The following UGT1A8 variants were observed in gnomAD, a reference collection of about 807,000 sequenced individuals.
UGT1A8 encodes UDP glucuronosyltransferase family 1 member A8.
A neutral mutation model predicts 45.3 loss-of-function variants in UGT1A8; 39 were observed. That is an observed-to-expected ratio of 0.86 (90% CI 0.67 to 1.12). The LOEUF (loss-of-function observed/expected upper bound fraction) is 1.12. Among genes scored for constraint, UGT1A8 ranks in the 50% most tolerant of loss-of-function variants. The pLI, the probability that UGT1A8 is intolerant of heterozygous loss-of-function variation, is 0.00. For missense variants in UGT1A8, 719 were observed against 664.9 expected (o/e 1.08, Z -0.90); for synonymous variants, 275 against 249.2 (o/e 1.10, Z -0.97).
At chr2:233,695,293 T>A (rs192204458) in intron 1 of UGT1A8, among the ~76,000 whole-genome samples, 1 of 152,146 alleles carries the variant, frequency 6.6e-6, no homozygotes, top group Admixed American at 6.5e-5. Context: ...TCCCAGCTAA[T>A]TTTTGCATTT....
intron 1 of UGT1A8, chr2:233,755,945 TC>T (rs1469845586): frequency 6.6e-6 from 1 of 152,216 alleles, no homozygotes; most frequent in African/African-American, 2.4e-5. Context: ...TTTGCATCTC[TC>T]TCTTTAGTAC....
chr2:233,701,753 A>G (rs540599933), intron 1 of UGT1A8, among the ~76,000 whole-genome samples: 7 of 152,372 alleles, frequency 4.6e-5, no homozygotes, highest in Non-Finnish European at 1.0e-4. Context: ...TACTGGGTAC[A>G]TAACGAAATG....
At chr2:233,692,917 G>A in intron 1 of UGT1A8, 2 of 1,565,222 alleles carry the variant, frequency 1.3e-6, no homozygotes, top group Admixed American at 1.9e-5. Flanking sequence ...GTGAAAAGCA[G>A]TGGTTAGTTT....
At chr2:233,743,809 AGGGTTTTTGTC>A in intron 1 of UGT1A8, 1 of 1,367,146 alleles carries the variant, frequency 7.3e-7, no homozygotes, top group Non-Finnish European at 9.8e-7. Context: ...CCTTGTTCTC[AGGGTTTTTGTC>A]GGGGTGCCAC....
At chr2:233,651,941 T>A (rs1333479847) in intron 1 of UGT1A8, among the ~76,000 whole-genome samples, 1 of 152,118 alleles carries the variant, frequency 6.6e-6, no homozygotes, top group African/African-American at 2.4e-5. Flanking sequence ...TTAAATACTT[T>A]AACCAAGATA....
chr2:233,623,206 T>A (rs1236801564), intron 1 of UGT1A8, among the ~76,000 whole-genome samples: 1 of 152,076 alleles, frequency 6.6e-6, no homozygotes, highest in East Asian at 1.9e-4. Flanking sequence ...CTTGGCTATA[T>A]GGGCTCTTTT....
At chr2:233,750,638 T>A (rs1330204251) in intron 1 of UGT1A8, 1 of 150,162 alleles carries the variant, frequency 6.7e-6, no homozygotes, top group Non-Finnish European at 1.5e-5. Context: ...CCCCCTGCTG[T>A]GTGCAGCCTC....
At position 233,767,899 on chromosome 2, in the gene UGT1A8, G is replaced by T; in HGVS notation, c.1038G>T (p.Thr346=). Residue 346 remains threonine (T), a synonymous_variant, in exon 3 of 5, where the codon ACG becomes ACT. Transcript: ENST00000373450. The part of the protein sequence containing the change: ...GTRPSNLANN[T]ILVKWLPQND... ...GACCATCGAATCTTGCGAACAACAC[G>T]ATACTTGTTAAGTGGCTACCCCAAA... 1 of 1,614,142 alleles carries T rather than the reference G, an allele frequency of 6.2e-7. No individual in the cohort carries two copies. The highest frequency in any genetic ancestry group is 8.5e-7 in the Non-Finnish European group (1 of 1,180,040).
intron 1 of UGT1A8, chr2:233,636,510 C>T: frequency 6.2e-7 from 1 of 1,606,194 alleles, no homozygotes. Context: ...CTGGCTCGGG[C>T]TGCAGTTCTC....
intron 1 of UGT1A8, among the ~76,000 whole-genome samples, chr2:233,646,179 T>C (rs2073596599): frequency 6.6e-6 from 1 of 152,142 alleles, no homozygotes; most frequent in African/African-American, 2.4e-5. Context: ...GCTGGAGCAG[T>C]TGGGATGCAA....
chr2:233,737,911 GGC>G (rs1690629306), intron 1 of UGT1A8, among the ~76,000 whole-genome samples: 4 of 152,098 alleles, frequency 2.6e-5, no homozygotes, highest in African/African-American at 4.8e-5. Flanking sequence ...GTAAAGAACA[GGC>G]TAGTGTATTT....
intron 1 of UGT1A8, among the ~76,000 whole-genome samples, chr2:233,656,066 G>C (rs1280727425): frequency 1.3e-5 from 2 of 152,024 alleles, no homozygotes; most frequent in Non-Finnish European, 2.9e-5. Context: ...GAAGGGATGG[G>C]GTAGGAGCTT....
Position 233,747,361 on chromosome 2 carries a change from A to T in UGT1A8, c.856-19673A>T, listed in dbSNP as rs1260496106. 17 of 1,603,206 alleles carry T rather than the reference A, an allele frequency of 1.1e-5. No individual in the cohort carries two copies. In the African/African-American group the frequency reaches 1.9e-4, roughly 18 times the overall value. On this transcript the variant is annotated intron_variant, in intron 1 of 4. Coordinates refer to ENST00000373450, the MANE Select transcript of UGT1A8 (RefSeq NM_019076.5). Reference sequence around the variant, plus strand: ...GCTCGCATGCGGGAGGCCGTGCGGGAGCTCCATGCCAGAGGCCACCAGGCG... The same window carrying T: ...GCTCGCATGCGGGAGGCCGTGCGGGTGCTCCATGCCAGAGGCCACCAGGCG...
intron 1 of UGT1A8, among the ~76,000 whole-genome samples, chr2:233,687,844 G>C (rs925197846): frequency 2.0e-5 from 3 of 152,152 alleles, no homozygotes; most frequent in Admixed American, 6.5e-5. Context: ...GGAGGTTAAG[G>C]CTGCAGTAAG....
At chr2:233,722,133 T>C (rs1336404223) in intron 1 of UGT1A8, 2 of 172,564 alleles carry the variant, frequency 1.2e-5, no homozygotes, top group Non-Finnish European at 2.5e-5. Context: ...TAGTAGAGTT[T>C]AAGACTCCTG....
At chr2:233,653,220 C>T (rs769214569) in intron 1 of UGT1A8, among the ~76,000 whole-genome samples, 1 of 152,128 alleles carries the variant, frequency 6.6e-6, no homozygotes, top group African/African-American at 2.4e-5. Flanking sequence ...AATCTGTTTA[C>T]GTTTTAAAAG....
chr2:233,654,642 G>C (rs2073815129), intron 1 of UGT1A8, among the ~76,000 whole-genome samples: 1 of 152,222 alleles, frequency 6.6e-6, no homozygotes, highest in Non-Finnish European at 1.5e-5. Context: ...ATGATTGCTT[G>C]GCGACATAGC....
intron 1 of UGT1A8, chr2:233,672,755 G>A (rs1373777219): frequency 1.9e-6 from 3 of 1,613,770 alleles, no homozygotes; most frequent in Non-Finnish European, 2.5e-6. Context: ...TTCATTGGTG[G>A]TATCAACTGC....
At chr2:233,725,206 A>AGGC (rs1165948613) in intron 1 of UGT1A8, among the ~76,000 whole-genome samples, 4 of 91,688 alleles carry the variant, frequency 4.4e-5, no homozygotes, top group Admixed American at 9.5e-5. Context: ...GCAGAGGCAG[A>AGGC]GGCAGAGGCA....
Sources: allele counts gnomAD v4.1 joint callset (sites outside exome capture counted in the v4.1 genomes callset), GRCh38; gene constraint gnomAD v4.1.1; transcripts MANE v1.5; gene names NCBI Gene and HGNC (gene_info 2026-07-23, HGNC 2026-07-21).